ACAP3: variants seen among roughly 807,000 people sequenced by gnomAD.
ACAP3 encodes the protein arf-GAP with coiled-coil, ANK repeat and PH domain-containing protein 3.
In ACAP3, 56 loss-of-function variants were observed where a neutral mutation model predicts 104.1. The observed-to-expected ratio is 0.54, with a 90% CI of 0.43 to 0.67. ACAP3 has a LOEUF of 0.67. Among genes scored for constraint, ACAP3 ranks in the 30% least tolerant of loss-of-function variants. The pLI is 0.00. For synonymous variants in ACAP3, 628 were observed against 496.2 expected (o/e 1.27, Z -3.53); for missense variants, 1,208 against 1,174.9 (o/e 1.03, Z -0.41).
intron 9 of ACAP3, 109 bp from the exon 10 acceptor site, chr1:1,299,465 G>A (rs938086950): frequency 4.7e-5 from 61 of 1,295,888 alleles, no homozygotes; most frequent in South Asian, 9.6e-5. Flanking sequence ...TGGTGGACCC[G>A]TCCCCAACTC....
rs763145875 is a variant in ACAP3, at chr1:1,296,583, G to A, written c.1179C>T (p.Thr393=). 95 of 1,539,678 alleles carry A rather than the reference G, an allele frequency of 6.2e-5. 1 individual carries two copies. The South Asian group carries it at 8.9e-4, about 14-fold the overall frequency. The change falls in exon 15 of 24, where the codon ACC becomes ACT. Residue 393 remains threonine, a synonymous_variant. Coordinates refer to ENST00000354700, the MANE Select transcript of ACAP3 (RefSeq NM_030649.3). ...SPSTSSIDSA[T]DTRERGVKGE... Reference sequence around the variant, plus strand: ...CCTTCACGCCACGCTCCCGAGTGTCGGTGGCGGAGTCGATGCTGCTCGTGG... The same window carrying A: ...CCTTCACGCCACGCTCCCGAGTGTCAGTGGCGGAGTCGATGCTGCTCGTGG...
chr1:1,300,978 G>T (rs1641417516), intron 5 of ACAP3, among the ~76,000 whole-genome samples: 1 of 152,162 alleles, frequency 6.6e-6, no homozygotes, highest in Non-Finnish European at 1.5e-5. Flanking sequence ...GGTTGGTCAG[G>T]CTGGTCTTGA....
rs981615137 is a variant in ACAP3 at position 1,293,509 on chromosome 1, G to A, written c.*55C>T. 16 of 1,378,948 alleles carry A rather than the reference G, an allele frequency of 1.2e-5. No homozygotes were observed. In the African/African-American group the frequency reaches 1.4e-4, roughly 12 times the overall value. 85.4% of individuals were successfully genotyped at this position (1,378,948 alleles called of 1,614,324 possible). On this transcript the variant is annotated 3_prime_UTR_variant, in exon 24 of 24. Coordinates refer to ENST00000354700, the MANE Select transcript of ACAP3 (RefSeq NM_030649.3). ...CGGCCGGGTGGGCGCCAGGGACTTCGGGGCATGCGGGGCGTCGGGCCGGGC... is the reference window on the plus strand; with the variant it reads ...CGGCCGGGTGGGCGCCAGGGACTTCAGGGCATGCGGGGCGTCGGGCCGGGC...
In ACAP3 at chr1:1,293,361, A is replaced by C. The variant is rs1401006871; in HGVS notation, c.*203T>G. On this transcript the variant is annotated 3_prime_UTR_variant, in exon 24 of 24. Coordinates refer to ENST00000354700, the MANE Select transcript of ACAP3 (RefSeq NM_030649.3). ...ACACCCGACGATGCAGCACCCCCCC[A>C]GGGAAACGTGAGGCTTCAAGAGACT... The C allele has an allele frequency of 2.4e-6, 1 of 412,988 alleles. No individual in the cohort carries two copies. Among genetic ancestry groups the C allele is most frequent in the African/African-American group, 2.2e-5 (1 of 46,500 alleles). 25.6% of individuals were successfully genotyped at this position (412,988 alleles called of 1,614,324 possible).
In ACAP3 at chr1:1,303,481, G is replaced by A. The variant is rs1641541253; in HGVS notation, c.106-200C>T. On this transcript the variant is annotated intron_variant, in intron 2 of 23. Coordinates refer to ENST00000354700, the MANE Select transcript of ACAP3 (RefSeq NM_030649.3). The surrounding 1 kb of genome is among the most constrained non-coding windows in gnomAD (Gnocchi z 4.0). ...GAGGCCCGTCTGGGAGGGGAGGGTG[G>A]GGCCGCCACGGCTCGGCTGGGAGGG... The A allele has an allele frequency of 1.5e-6, 1 of 660,124 alleles. No individual in the cohort carries two copies. The highest frequency in any genetic ancestry group is 2.5e-6 in the Non-Finnish European group (1 of 404,866). The allele number at this position is 660,124 out of a possible 1,614,324, so 40.9% of individuals were successfully genotyped here. A position where few individuals can be genotyped will look rare whatever the true frequency, so the allele number is the denominator to read the frequency against.
At position 1,293,649 on chromosome 1, in the gene ACAP3, G is replaced by A. The variant is rs544413271; in HGVS notation, c.2420C>T (p.Pro807Leu). The change falls in exon 24 of 24, where the codon CCG (proline) becomes CTG (leucine). Residue 807 changes from proline (P) to leucine (L), a missense_variant. Physicochemically the swap from Pro to Leu is moderately conservative, Grantham distance 98 (BLOSUM62 -3). Coordinates refer to ENST00000354700, the MANE Select transcript of ACAP3 (RefSeq NM_030649.3). ...CGTGGGGCTGCCCGCCAGGGCGCCC[G>A]GGGGACCAGGGGCAGCCTCGGCCTC... The part of the protein sequence containing the change: ...MREAEAAPGP[P>L]GALAGSPTEL... 25 of 1,474,206 alleles carry A rather than the reference G, an allele frequency of 1.7e-5. No individual in the cohort carries two copies. Among genetic ancestry groups the A allele is most frequent in the South Asian group, 1.5e-4 (12 of 78,504 alleles). 91.3% of individuals were successfully genotyped at this position (1,474,206 alleles called of 1,614,324 possible).
At chr1:1,298,973 GC>G (rs1641322156) in intron 10 of ACAP3, 1 of 539,708 alleles carries the variant, frequency 1.9e-6, no homozygotes, top group African/African-American at 2.0e-5. Context: ...GAAGGAAGCT[GC>G]GCCCCCACCC....
chr1:1,303,164 A>G lies in ACAP3; in HGVS notation c.223T>C (p.Ser75Pro). ...SQQCQGDTVI[S>P]ECLQRFADSL... is the part of the protein sequence containing the mutation. The stretch of plus-strand genomic sequence containing the variant: ...TCAGAGGTCAGTCGGCCCCTCACCG[A>G]GATGACGGTGTCGCCCTGGCACTGC... Residue 75 changes from serine to proline, a missense_variant and splice_region_variant, in exon 3 of 24, where the codon TCG becomes CCG. By Grantham distance (74) the Ser-to-Pro change is moderately conservative. Transcript: ENST00000354700. This position sits in a 1 kb window ranked among gnomAD's most constrained non-coding sequence, Gnocchi z 4.0. 1 of 1,599,408 alleles carries G rather than the reference A, an allele frequency of 6.3e-7. No individual in the cohort carries two copies. Among genetic ancestry groups the G allele is most frequent in the Non-Finnish European group, 8.5e-7 (1 of 1,174,040 alleles).
chr1:1,298,877 T>C, intron 10 of ACAP3, 198 bp from the exon 11 acceptor site: 1 of 588,416 alleles, frequency 1.7e-6, no homozygotes, highest in Non-Finnish European at 3.0e-6. Context: ...CTGCAACCCG[T>C]GGGGCAGACC....
chr1:1,294,427 G>T lies in ACAP3; in HGVS notation c.2114C>A (p.Thr705Lys). ...NWADAEDEGK[T>K]PLVQAVLGGS... The stretch of plus-strand genomic sequence containing the variant: ...CCCTAGCACGGCCTGCACCAGCGGC[G>T]TCTTGCCCTCATCCTCCGCGTCCGC... Residue 705 changes from threonine to lysine, a missense_variant, in exon 21 of 24, where the codon ACG (threonine) becomes AAG (lysine). Thr to Lys is a moderately conservative substitution (Grantham distance 78). Transcript: ENST00000354700. The T allele has an allele frequency of 6.3e-7, 1 of 1,576,162 alleles. No homozygotes were observed. Among genetic ancestry groups the T allele is most frequent in the Admixed American group, 1.7e-5 (1 of 57,540 alleles).
At chr1:1,302,084 C>A in intron 4 of ACAP3, 38 bp from the exon 5 acceptor site, 2 of 1,436,398 alleles carry the variant, frequency 1.4e-6, no homozygotes, top group Non-Finnish European at 1.8e-6. Flanking sequence ...TGGGGTCTGT[C>A]CCGAAAGAGC....
chr1:1,295,044 G>T (rs2100401808), intron 19 of ACAP3: 1 of 573,140 alleles, frequency 1.7e-6, no homozygotes, highest in African/African-American at 1.9e-5. Context: ...AGGCCTTTTG[G>T]GAAGCCCTTC....
chr1:1,301,105 C>T (rs942391444), intron 5 of ACAP3, among the ~76,000 whole-genome samples: 2 of 151,954 alleles, frequency 1.3e-5, no homozygotes, highest in East Asian at 3.9e-4. Context: ...TCTCTGTTGC[C>T]CAGGCTGGAG....
rs943564311 is a variant in ACAP3, at chr1:1,296,625, G to C, written c.1137C>G (p.Asp379Glu). The change falls in exon 15 of 24, where the codon GAC becomes GAG. Residue 379 changes from aspartate to glutamate, a missense_variant. Physicochemically the swap from Asp to Glu is conservative, Grantham distance 45. Transcript: ENST00000354700. ...TGCTCGTGGACGGGGATGCTGTGCG[G>C]TCCAGCCTCTGGAGGATGGGGTGGA... ...SPDSCYSERL[D>E]RTASPSTSSI... 21 of 1,536,184 alleles carry C rather than the reference G, an allele frequency of 1.4e-5. No homozygotes were observed. The highest frequency in any genetic ancestry group is 1.8e-5 in the Non-Finnish European group (21 of 1,145,726).
At chr1:1,296,740 C>G (rs1222114518) in intron 14 of ACAP3, 107 bp from the exon 15 acceptor site, 1 of 1,213,310 alleles carries the variant, frequency 8.2e-7, no homozygotes, top group African/African-American at 1.5e-5. Context: ...CAGGGCCCCT[C>G]GAGCACACGC....
In ACAP3 at chr1:1,299,365, C is replaced by A. The variant is rs775523171; in HGVS notation, c.739-9G>T. The stretch of plus-strand genomic sequence containing the variant: ...CTTACCTGCAGCAGCGTCTGGAGGG[C>A]CGGAGCAGGAGGGGGTAGGGGGAGA... On this transcript the variant is annotated splice_polypyrimidine_tract_variant and intron_variant, in intron 9 of 23. Transcript: ENST00000354700. 6.4e-7 allele frequency: 1 copy of A among 1,567,476 alleles called. No individual in the cohort carries two copies. The highest frequency in any genetic ancestry group is 1.2e-5 in the South Asian group (1 of 86,046).
chr1:1,304,280 CTG>C, intron 1 of ACAP3, 137 bp from the exon 2 acceptor site: 2 of 1,064,732 alleles, frequency 1.9e-6, no homozygotes, highest in Non-Finnish European at 2.7e-6. Flanking sequence ...AGACGCCTGC[CTG>C]CTACGGGGGC....
In ACAP3 at chr1:1,295,168, G is replaced by A. The variant is rs369146000; in HGVS notation, c.1813+279C>T. ...ACCAACGGGCAGCATGGCTCCAGAA[G>A]GGCCCTAGGCTGAGGGCCGGCTGGC... On this transcript the variant is annotated intron_variant, in intron 19 of 23. Coordinates refer to ENST00000354700, the MANE Select transcript of ACAP3 (RefSeq NM_030649.3). Among the ~76,000 whole-genome samples the A allele has an allele frequency of 1.2e-4, 19 of 152,210 alleles. 1 individual carries two copies. Among genetic ancestry groups the A allele is most frequent in the African/African-American group, 4.1e-4 (17 of 41,552 alleles).
At chr1:1,305,145 G>A (rs982550188) in intron 1 of ACAP3, 6 of 152,498 alleles carry the variant, frequency 3.9e-5, no homozygotes, top group African/African-American at 1.4e-4. Context: ...AGGAGCTGGA[G>A]CTGCAGGCAC....
Sources: allele counts gnomAD v4.1 joint callset (sites outside exome capture counted in the v4.1 genomes callset), GRCh38; gene constraint gnomAD v4.1.1; non-coding constraint Gnocchi (gnomAD v3.1); transcripts MANE v1.5; gene names NCBI Gene and HGNC (gene_info 2026-07-23, HGNC 2026-07-21).